The following AFF3 variants were observed in gnomAD, a reference collection of about 807,000 sequenced individuals.
The protein encoded by AFF3 is ALF transcription elongation factor 3.
AFF3 carries 32 observed loss-of-function variants against 129.7 expected under a neutral mutation model. The observed-to-expected ratio is 0.25, with a 90% CI of 0.19 to 0.33. The LOEUF (loss-of-function observed/expected upper bound fraction) is 0.33. Ranked by LOEUF, AFF3 falls within the 10% of genes least tolerant of loss-of-function variation. AFF3 has a pLI of 1.00. For synonymous variants in AFF3, 644 were observed against 635.4 expected, an observed-to-expected ratio of 1.01 and a Z score of -0.20; for missense variants, 1,373 against 1,592.0, an observed-to-expected ratio of 0.86 and a Z score of 2.34.
At chr2:99,632,128 G>T (rs1042034786) in intron 13 of AFF3, among the ~76,000 whole-genome samples, 1 of 140,630 alleles carries the variant, frequency 7.1e-6, no homozygotes, top group Non-Finnish European at 1.5e-5. Context: ...CAATTCTCCC[G>T]CCTTAGCCTC....
chr2:100,105,880 G>T (rs1691260431), intron 2 of AFF3: 1 of 1,332,380 alleles, frequency 7.5e-7, no homozygotes, highest in Non-Finnish European at 9.9e-7. Flanking sequence ...ACCAAACCTC[G>T]CACTCCCCGC....
chr2:99,595,950 C>A (rs2105010706), intron 14 of AFF3, among the ~76,000 whole-genome samples: 1 of 152,290 alleles, frequency 6.6e-6, no homozygotes, highest in African/African-American at 2.4e-5. Flanking sequence ...TGTCTGGTGA[C>A]TTGGAGAAGC....
chr2:99,806,292 TCTA>T (rs1241996912), intron 8 of AFF3, among the ~76,000 whole-genome samples: 1 of 152,208 alleles, frequency 6.6e-6, no homozygotes, highest in Non-Finnish European at 1.5e-5. Flanking sequence ...TGAGCTTCTG[TCTA>T]CTACATGTGA....
chr2:99,998,253 C>T (rs554250764), intron 7 of AFF3, among the ~76,000 whole-genome samples: 2 of 152,216 alleles, frequency 1.3e-5, no homozygotes, highest in East Asian at 3.9e-4. Flanking sequence ...AGCTAAGAAG[C>T]GTTAAGTTAT....
rs1001898125 is a variant in AFF3, at chr2:99,959,769, CCTTT to C, written c.873+46859_873+46862del. On this transcript the variant is annotated intron_variant, in intron 7 of 24. Coordinates refer to ENST00000672756, the MANE Select transcript of AFF3 (RefSeq NM_001386135.1). The stretch of plus-strand genomic sequence containing the variant: ...CCAAAAATCAGTCATGTGTTTCTCC[CCTTT>C]CTATCTGCTTGTAAACACAGCCCGC... Among the ~76,000 whole-genome samples, 3 of 150,518 alleles carry C rather than the reference CCTTT, an allele frequency of 2.0e-5. No homozygotes were observed. In the Admixed American group the frequency reaches 2.0e-4, roughly 10 times the overall value.
intron 7 of AFF3, among the ~76,000 whole-genome samples, chr2:99,865,256 T>G (rs1394838711): frequency 6.6e-6 from 1 of 152,172 alleles, no homozygotes; most frequent in Non-Finnish European, 1.5e-5. Flanking sequence ...AAAGCAACAG[T>G]TGGACGATCT....
In AFF3 at chr2:99,678,677, C is replaced by T. The variant is rs566331177; in HGVS notation, c.1092-6088G>A. Reference sequence around the variant, plus strand: ...CTGGTGCTGCTACTATCTCCACCTACGTGAGATTTAAAGCCTAAGACAAAT... The same window carrying T: ...CTGGTGCTGCTACTATCTCCACCTATGTGAGATTTAAAGCCTAAGACAAAT... On this transcript the variant is annotated intron_variant, in intron 11 of 24. Transcript: ENST00000672756. 5.9e-5 allele frequency among the ~76,000 whole-genome samples: 9 copies of T among 152,328 alleles called. No homozygotes were observed. The South Asian group carries it at 6.2e-4, about 11-fold the overall frequency.
intron 13 of AFF3, among the ~76,000 whole-genome samples, chr2:99,647,746 A>G (rs1575591548): frequency 6.6e-6 from 1 of 152,244 alleles, no homozygotes; most frequent in East Asian, 1.9e-4. Flanking sequence ...CGTCACTTTG[A>G]AATGACCAAT....
At chr2:99,946,541 T>A (rs901519405) in intron 7 of AFF3, among the ~76,000 whole-genome samples, 1 of 141,166 alleles carries the variant, frequency 7.1e-6, no homozygotes, top group South Asian at 2.4e-4. Context: ...CTCTGACTTC[T>A]GCCGGAGGGT....
intron 7 of AFF3, among the ~76,000 whole-genome samples, chr2:99,958,648 A>G (rs1334074841): frequency 6.6e-6 from 1 of 152,108 alleles, no homozygotes; most frequent in Non-Finnish European, 1.5e-5. Context: ...AATGGGGGAC[A>G]GGGGAAGGGG....
chr2:100,026,716 A>ATAT (rs1559069039), intron 4 of AFF3, among the ~76,000 whole-genome samples: 1 of 145,862 alleles, frequency 6.9e-6, no homozygotes, highest in Non-Finnish European at 1.5e-5. Flanking sequence ...TATATATATA[A>ATAT]ATATATATAT....
intron 8 of AFF3, among the ~76,000 whole-genome samples, chr2:99,783,062 A>T: frequency 6.6e-6 from 1 of 152,230 alleles, no homozygotes; most frequent in East Asian, 1.9e-4. Context: ...TTTTCTTCGC[A>T]TATCTTTGGC....
chr2:99,553,845 C>T (rs1396007990), intron 24 of AFF3, among the ~76,000 whole-genome samples: 5 of 135,048 alleles, frequency 3.7e-5, no homozygotes, highest in East Asian at 2.3e-4. Context: ...ACCCAGGAGA[C>T]GGAGGTTGCA....
chr2:100,011,547 C>A (rs1420345955), intron 4 of AFF3: 1 of 780,908 alleles, frequency 1.3e-6, no homozygotes, highest in Admixed American at 1.7e-5. Context: ...GAGAGTCATT[C>A]CTCTGGTTTA....
intron 13 of AFF3, among the ~76,000 whole-genome samples, chr2:99,624,522 G>A (rs1682357778): frequency 6.6e-6 from 1 of 152,156 alleles, no homozygotes; most frequent in South Asian, 2.1e-4. Context: ...TAAAAACAGA[G>A]CTTGAAAGAA....
At chr2:99,774,339 C>G (rs575195320) in intron 8 of AFF3, among the ~76,000 whole-genome samples, 1 of 152,250 alleles carries the variant, frequency 6.6e-6, no homozygotes, top group African/African-American at 2.4e-5. Flanking sequence ...CAACTTTAAA[C>G]TATAATACAA....
At chr2:99,844,437 T>TC (rs1553464899) in intron 7 of AFF3, among the ~76,000 whole-genome samples, 4 of 128,212 alleles carry the variant, frequency 3.1e-5, no homozygotes, top group Admixed American at 2.3e-4. Context: ...TTCTTTTCTT[T>TC]TTTTTTTTTT....
intron 4 of AFF3, among the ~76,000 whole-genome samples, chr2:100,019,081 G>A (rs1212488020): frequency 6.6e-6 from 1 of 152,090 alleles, no homozygotes; most frequent in Non-Finnish European, 1.5e-5. Context: ...CTCATGGGCT[G>A]GTGCCTGAAG....
chr2:99,597,147 C>T lies in AFF3; in HGVS notation c.1372-2858G>A, dbSNP rs79861563. Among the ~76,000 whole-genome samples the T allele has an allele frequency of 4.8e-3, 734 of 152,306 alleles. 8 individuals carry two copies. The highest frequency in any genetic ancestry group is 0.016 in the African/African-American group (645 of 41,556). ...AGAGCTGCACAGCTACCGGGCTCTA[C>T]GGAGACTAACTTTGTACTCATCTAG... On this transcript the variant is annotated intron_variant, in intron 14 of 24. Coordinates refer to ENST00000672756, the MANE Select transcript of AFF3 (RefSeq NM_001386135.1).
Sources: allele counts gnomAD v4.1 joint callset (sites outside exome capture counted in the v4.1 genomes callset), GRCh38; gene constraint gnomAD v4.1.1; transcripts MANE v1.5; gene names NCBI Gene and HGNC (gene_info 2026-07-23, HGNC 2026-07-21).